The following CLMN variants were observed in gnomAD, a reference collection of about 807,000 sequenced individuals.
The protein encoded by CLMN is calmin, also known as calmin (calponin-like, transmembrane).
In CLMN, 57 loss-of-function variants were observed where a neutral mutation model predicts 92.7. That is an observed-to-expected ratio of 0.61 (90% CI 0.50 to 0.77). The LOEUF (loss-of-function observed/expected upper bound fraction) is 0.77. Among genes scored for constraint, CLMN ranks in the 30% least tolerant of loss-of-function variants. The pLI is 0.00. For synonymous variants in CLMN, 466 were observed against 470.6 expected (o/e 0.99, Z 0.13); for missense variants, 1,158 against 1,237.5 (o/e 0.94, Z 0.96).
intron 1 of CLMN, among the ~76,000 whole-genome samples, chr14:95,231,191 A>C: frequency 6.7e-6 from 1 of 148,370 alleles, no homozygotes. Flanking sequence ...TAAATCCTCT[A>C]ACTTTTTTTT....
At chr14:95,238,465 T>G (rs996616749) in intron 1 of CLMN, among the ~76,000 whole-genome samples, 2 of 152,216 alleles carry the variant, frequency 1.3e-5, no homozygotes, top group Non-Finnish European at 2.9e-5. Context: ...GCATTTAATT[T>G]CCTTTGTTTT....
intron 1 of CLMN, among the ~76,000 whole-genome samples, chr14:95,273,238 C>G (rs996817814): frequency 1.3e-5 from 2 of 152,146 alleles, no homozygotes; most frequent in South Asian, 4.1e-4. Context: ...GGCTTAGAGG[C>G]GACAGTGTGG....
intron 1 of CLMN, 32 bp downstream of exon 1, chr14:95,319,679 A>AGCCATCCC (rs914349185): frequency 6.4e-7 from 1 of 1,571,436 alleles, no homozygotes; most frequent in African/African-American, 1.4e-5. Context: ...CCGAGCGCCC[A>AGCCATCCC]GCCATCCCGG....
intron 1 of CLMN, among the ~76,000 whole-genome samples, chr14:95,245,378 G>C (rs1297291197): frequency 6.9e-6 from 1 of 145,224 alleles, no homozygotes; most frequent in Admixed American, 7.2e-5. Context: ...ACACATGAAT[G>C]AGTGAATGCA....
chr14:95,260,303 G>A (rs928749383), intron 1 of CLMN, among the ~76,000 whole-genome samples: 6 of 152,110 alleles, frequency 3.9e-5, no homozygotes, highest in African/African-American at 1.2e-4. Context: ...TTAGCTGGGC[G>A]AGGTGGCGGG....
At position 95,221,516 on chromosome 14, in the gene CLMN, T is replaced by C. The variant is rs112154278; in HGVS notation, c.324+175A>G. 2.6e-3 allele frequency among the ~76,000 whole-genome samples: 394 copies of C among 152,308 alleles called. 2 individuals carry two copies. Among genetic ancestry groups the C allele is most frequent in the Non-Finnish European group, 4.1e-3 (278 of 68,024 alleles). Reference sequence around the variant, plus strand: ...GGTGGGCACGGAGTCAGGGACTATGTTCCCAACGGAGGGGTCATCTGAGTG... The same window carrying C: ...GGTGGGCACGGAGTCAGGGACTATGCTCCCAACGGAGGGGTCATCTGAGTG... On this transcript the variant is annotated intron_variant, in intron 4 of 12. Coordinates refer to ENST00000298912, the MANE Select transcript of CLMN (RefSeq NM_024734.4).
In CLMN at chr14:95,194,041, C is replaced by T. The variant is rs1011283190; in HGVS notation, c.2770-122G>A. 11 of 1,496,068 alleles carry T rather than the reference C, an allele frequency of 7.4e-6. No homozygotes were observed. The highest frequency in any genetic ancestry group is 4.9e-5 in the East Asian group (2 of 40,716). The allele number at this position is 1,496,068 out of a possible 1,614,324, so 92.7% of individuals were successfully genotyped here. On this transcript the variant is annotated intron_variant, in intron 11 of 12. Transcript: ENST00000298912. The surrounding 1 kb of genome is among the most constrained non-coding windows in gnomAD (Gnocchi z 4.0). ...GAGCATGCCGGGCATTTCTCAATAC[C>T]GCCAGCGTCTAGATCCAAAATCAAA...
rs181565548 is a variant in CLMN at position 95,259,014 on chromosome 14, A to G, written c.83-28881T>C. 2.1e-4 allele frequency among the ~76,000 whole-genome samples: 31 copies of G among 144,282 alleles called. No homozygotes were observed. In the East Asian group the frequency reaches 6.5e-3, roughly 30 times the overall value. The allele number at this position is 144,282 out of a possible 152,430, so 94.7% of individuals were successfully genotyped here. ...GAGAGTGTGTTTGTATGTATGTGTG[A>G]TATGTGTTGTGTGTGTTTGTGTGGT... is the stretch of plus-strand genomic sequence containing the variant. On this transcript the variant is annotated intron_variant, in intron 1 of 12. Coordinates refer to ENST00000298912, the MANE Select transcript of CLMN (RefSeq NM_024734.4). The surrounding 1 kb of genome is among the most constrained non-coding windows in gnomAD (Gnocchi z 4.3).
Position 95,204,452 on chromosome 14 carries a change from G to A in CLMN, c.897C>T (p.Phe299=), listed in dbSNP as rs143079668. The change falls in exon 9 of 13, where the codon TTC becomes TTT. Residue 299 remains phenylalanine, a synonymous_variant. Coordinates refer to ENST00000298912, the MANE Select transcript of CLMN (RefSeq NM_024734.4). ...RFPELEAEDI[F]DSDKEVPIES... ...CGATAGGAACTTCTTTATCTGAATC[G>A]AAAATATCTTCCTGCAAAAAAAAAC... 6.7e-4 allele frequency: 1,006 copies of A among 1,492,500 alleles called. 10 individuals carry two copies. Among genetic ancestry groups the A allele is most frequent in the South Asian group, 5.2e-3 (384 of 73,684 alleles). 92.5% of individuals were successfully genotyped at this position (1,492,500 alleles called of 1,614,324 possible).
chr14:95,211,494 G>A lies in CLMN; in HGVS notation c.609-615C>T, dbSNP rs186129145. On this transcript the variant is annotated intron_variant, in intron 6 of 12. Transcript: ENST00000298912. The stretch of plus-strand genomic sequence containing the variant: ...CACCATTGTAAAAGTGAGGGGCAGA[G>A]AGCTTTCACTCTATTTTGTAGAATG... Among the ~76,000 whole-genome samples, 817 of 152,230 alleles carry A rather than the reference G, an allele frequency of 5.4e-3. 4 individuals are homozygous for A. Among genetic ancestry groups the A allele is most frequent in the Non-Finnish European group, 6.5e-3 (445 of 68,002 alleles).
chr14:95,266,256 A>T (rs974409253), intron 1 of CLMN, among the ~76,000 whole-genome samples: 1 of 152,252 alleles, frequency 6.6e-6, no homozygotes, highest in Non-Finnish European at 1.5e-5. Context: ...AAACGAAGTC[A>T]AGTTATCCTT....
At chr14:95,197,327 GAAGA>G (rs746051039) in intron 9 of CLMN, among the ~76,000 whole-genome samples, 186 of 148,636 alleles carry the variant, frequency 1.3e-3, no homozygotes, top group Non-Finnish European at 9.1e-4. Flanking sequence ...AGGACAAGAA[GAAGA>G]AAGAAGAAAA....
chr14:95,271,518 G>A (rs1461217521), intron 1 of CLMN, among the ~76,000 whole-genome samples: 3 of 152,140 alleles, frequency 2.0e-5, no homozygotes, highest in African/African-American at 7.2e-5. Flanking sequence ...AGATACAAAT[G>A]ATGATCACAG....
intron 1 of CLMN, among the ~76,000 whole-genome samples, chr14:95,240,359 C>G (rs2140653461): frequency 6.6e-6 from 1 of 152,294 alleles, no homozygotes; most frequent in East Asian, 1.9e-4. Flanking sequence ...TGACCAAGTT[C>G]CAGCTAGTAG....
At chr14:95,261,346 A>G (rs1163160231) in intron 1 of CLMN, among the ~76,000 whole-genome samples, 2 of 152,140 alleles carry the variant, frequency 1.3e-5, no homozygotes, top group Non-Finnish European at 2.9e-5. Flanking sequence ...CGCTTTGCGC[A>G]CCTCCGTGAA....
chr14:95,191,541 T>C lies in CLMN; in HGVS notation c.*23A>G. 1 of 1,595,276 alleles carries C rather than the reference T, an allele frequency of 6.3e-7. No individual in the cohort carries two copies. Among genetic ancestry groups the C allele is most frequent in the Non-Finnish European group, 8.5e-7 (1 of 1,171,084 alleles). ...CCCGCCCCTGGTCAGGGTCCTGTCT[T>C]TTTTATTATCCAGACACACGTATCA... On this transcript the variant is annotated 3_prime_UTR_variant, in exon 13 of 13. Transcript: ENST00000298912. The surrounding 1 kb of genome is among the most constrained non-coding windows in gnomAD (Gnocchi z 5.3).
chr14:95,297,797 T>G (rs1900868765), intron 1 of CLMN, among the ~76,000 whole-genome samples: 1 of 144,082 alleles, frequency 6.9e-6, no homozygotes, highest in African/African-American at 2.6e-5. Flanking sequence ...TTTTGGCTAT[T>G]ATGAATATGG....
At chr14:95,293,685 C>T (rs1021579698) in intron 1 of CLMN, among the ~76,000 whole-genome samples, 1 of 146,476 alleles carries the variant, frequency 6.8e-6, no homozygotes, top group African/African-American at 2.5e-5. Context: ...CTCCCACCCA[C>T]CCCCGCCCCG....
At chr14:95,260,224 G>A (rs750254750) in intron 1 of CLMN, among the ~76,000 whole-genome samples, 3 of 152,226 alleles carry the variant, frequency 2.0e-5, no homozygotes, top group East Asian at 1.9e-4. Flanking sequence ...GGCAGATCAC[G>A]AGGTCAGGAG....
Sources: allele counts gnomAD v4.1 joint callset (sites outside exome capture counted in the v4.1 genomes callset), GRCh38; gene constraint gnomAD v4.1.1; non-coding constraint Gnocchi (gnomAD v3.1); transcripts MANE v1.5; gene names NCBI Gene and HGNC (gene_info 2026-07-23, HGNC 2026-07-21).